Variants in CXorf58 observed in about 807,000 individuals in gnomAD.
CXorf58 encodes the protein chromosome X open reading frame 58.
A neutral mutation model predicts 26.0 loss-of-function variants in CXorf58; 24 were observed. The observed-to-expected ratio is 0.92, with a 90% CI of 0.67 to 1.30. The LOEUF (loss-of-function observed/expected upper bound fraction) is 1.30. CXorf58 is among the 50% of genes most tolerant of loss of function. The probability of loss-of-function intolerance (pLI) is 0.00; values close to 1 mark genes in which losing one functional copy is unlikely to be tolerated. For missense variants in CXorf58, 236 were observed against 263.9 expected, an observed-to-expected ratio of 0.89 and a Z score of 0.73; for synonymous variants, 87 against 86.1, an observed-to-expected ratio of 1.01 and a Z score of -0.06.
chrX:23,938,011 G>A (rs12687965), intron 7 of CXorf58, among the ~76,000 whole-genome samples: 7,879 of 107,855 alleles, frequency 0.073, 646 homozygotes, highest in African/African-American at 0.23. Context: ...TCAGCCTCCC[G>A]AGTAGCTGGG....
At chrX:23,928,628 T>C (rs1476495441) in intron 6 of CXorf58, among the ~76,000 whole-genome samples, 1 of 111,832 alleles carries the variant, frequency 8.9e-6, no homozygotes, top group South Asian at 3.8e-4. Flanking sequence ...CTTTTCATTA[T>C]TATTATATCT....
At chrX:23,927,399 C>G in intron 6 of CXorf58, 29 bp downstream of exon 6, 1 of 1,045,596 alleles carries the variant, frequency 9.6e-7, no homozygotes, top group Non-Finnish European at 1.3e-6. Context: ...GAAAAACAAA[C>G]AAACCCAGCA....
At chrX:23,926,312 A>C (rs1286686863) in intron 5 of CXorf58, among the ~76,000 whole-genome samples, 2 of 111,177 alleles carry the variant, frequency 1.8e-5, no homozygotes, top group Non-Finnish European at 3.8e-5. Flanking sequence ...TTGAGCTTCC[A>C]TATATTCTGT....
chrX:23,919,308 A>G (rs2147068694), intron 5 of CXorf58, among the ~76,000 whole-genome samples: 1 of 111,865 alleles, frequency 8.9e-6, no homozygotes, highest in South Asian at 3.7e-4. Context: ...CAAATAGCCT[A>G]TCTTCAAGTT....
chrX:23,935,344 G>A lies in CXorf58; in HGVS notation c.704G>A (p.Arg235Gln), dbSNP rs775086373. Residue 235 changes from arginine (R) to glutamine (Q), a missense_variant, in exon 7 of 9, where the codon CGA (arginine) becomes CAA (glutamine). Transcript: ENST00000379211. ...SESGVISNRL[R>Q]NEMKFLLQRP... ...TCTGGAGTGATCTCAAACCGTCTAC[G>A]AAATGAAATGAAGTTTCTGTTACAG... The A allele has an allele frequency of 8.3e-6, 10 of 1,208,356 alleles. No individual in the cohort carries two copies. The South Asian group carries it at 1.2e-4, about 15-fold the overall frequency.
intron 6 of CXorf58, among the ~76,000 whole-genome samples, chrX:23,929,751 T>C (rs1334815001): frequency 2.7e-5 from 3 of 112,635 alleles, no homozygotes; most frequent in Non-Finnish European, 5.6e-5. Context: ...TGTTAGAAGA[T>C]GCCCTCTAGG....
intron 5 of CXorf58, among the ~76,000 whole-genome samples, chrX:23,918,222 TCTTC>T (rs1385453311): frequency 9.8e-5 from 11 of 111,949 alleles, no homozygotes; most frequent in Non-Finnish European, 1.3e-4. Flanking sequence ...TGTGGTCTTC[TCTTC>T]CTTCTTTCCT....
At chrX:23,938,389 G>T (rs1170651427) in intron 7 of CXorf58, among the ~76,000 whole-genome samples, 158 bp from the exon 8 acceptor site, 1 of 111,695 alleles carries the variant, frequency 9.0e-6, no homozygotes, top group African/African-American at 3.2e-5. Context: ...AAGCAGAAAT[G>T]ATAACTTTAA....
At chrX:23,930,069 C>T (rs896750864) in intron 6 of CXorf58, among the ~76,000 whole-genome samples, 3 of 106,277 alleles carry the variant, frequency 2.8e-5, no homozygotes, top group South Asian at 8.7e-4. Context: ...TGGTGGTGGG[C>T]GCCTGTAGTC....
At chrX:23,914,138 T>G (rs1046078938) in intron 3 of CXorf58, among the ~76,000 whole-genome samples, 7 of 110,690 alleles carry the variant, frequency 6.3e-5, no homozygotes, top group African/African-American at 2.3e-4. Flanking sequence ...CAGGCTGGAG[T>G]GCAGTGGCAC....
At chrX:23,910,262 G>C in intron 1 of CXorf58, 21 bp from the exon 2 acceptor site, 3 of 826,875 alleles carry the variant, frequency 3.6e-6, no homozygotes, top group South Asian at 2.1e-5. Context: ...GACCTCAAAG[G>C]GTTAATTTAT....
At chrX:23,925,786 C>CTTTTTTTTTTTTTTTTT (rs11296283) in intron 5 of CXorf58, among the ~76,000 whole-genome samples, 1 of 71,770 alleles carries the variant, frequency 1.4e-5, no homozygotes, top group Non-Finnish European at 2.4e-5. Flanking sequence ...CTTTTCTTTT[C>CTTTTTTTTTTTTTTTTT]TTTTTTTTTT....
At chrX:23,934,925 C>T (rs1928256370) in intron 6 of CXorf58, among the ~76,000 whole-genome samples, 3 of 109,369 alleles carry the variant, frequency 2.7e-5, no homozygotes, top group South Asian at 7.9e-4. Flanking sequence ...AGTGCAGTGG[C>T]GCGATCTTGG....
At chrX:23,915,614 C>G in intron 3 of CXorf58, 86 bp from the exon 4 acceptor site, 1 of 534,141 alleles carries the variant, frequency 1.9e-6, no homozygotes, top group African/African-American at 2.3e-5. Flanking sequence ...ATAATGTTCA[C>G]TTTACCACGT....
Position 23,939,292 on chromosome X carries a change from T to C in CXorf58, c.988T>C (p.Ser330Pro), listed in dbSNP as rs368045553. 1.7e-6 allele frequency: 2 copies of C among 1,187,372 alleles called. No individual in the cohort carries two copies. The highest frequency in any genetic ancestry group is 3.5e-5 in the African/African-American group (2 of 56,643). The part of the protein sequence containing the change: ...SGTKDNYHLH[S>P]IF ...TACAAAGGATAACTATCATCTCCACTCCATCTTTTGACATTGTGAAAACTA... is the reference window on the plus strand; with the variant it reads ...TACAAAGGATAACTATCATCTCCACCCCATCTTTTGACATTGTGAAAACTA... Residue 330 changes from serine (S) to proline (P), a missense_variant, in exon 9 of 9, where the codon TCC (serine) becomes CCC (proline). Physicochemically the swap from Ser to Pro is moderately conservative, Grantham distance 74. Transcript: ENST00000379211.
chrX:23,938,947 A>C (rs942818875), intron 8 of CXorf58, among the ~76,000 whole-genome samples: 4 of 111,813 alleles, frequency 3.6e-5, no homozygotes, highest in Non-Finnish European at 5.6e-5. Context: ...GTTGGCAAAA[A>C]AATTATTTTC....
intron 5 of CXorf58, among the ~76,000 whole-genome samples, chrX:23,917,109 C>A (rs1304650551): frequency 2.8e-5 from 3 of 108,775 alleles, no homozygotes; most frequent in Non-Finnish European, 5.7e-5. Flanking sequence ...CCAAGGCGGG[C>A]GAATCACCTG....
rs1220076702 is a variant in CXorf58, at chrX:23,926,797, A to G, written c.424-442A>G. ...CACTTTGGGAGGCCGAGGTGAGCGG[A>G]TCACGAGGCCAGGAGATCGAGACCA... is the stretch of plus-strand genomic sequence containing the variant. On this transcript the variant is annotated intron_variant, in intron 5 of 8. Transcript: ENST00000379211. Among the ~76,000 whole-genome samples the G allele has an allele frequency of 3.6e-5, 4 of 112,168 alleles. No homozygotes were observed. In the East Asian group the frequency reaches 1.1e-3, roughly 31 times the overall value.
Position 23,938,575 on chromosome X carries a change from T to C in CXorf58, c.814T>C (p.Tyr272His). ...RGPYLTVQPL[Y>H]RPYKQQNQVK... is the part of the protein sequence containing the mutation. ...TCCATACTTAACTGTCCAACCTCTA[T>C]ATCGGCCCTACAAACAGCAAAATCA... Residue 272 changes from tyrosine to histidine, a missense_variant, in exon 8 of 9, where the codon TAT becomes CAT. Physicochemically the swap from Tyr to His is moderately conservative, Grantham distance 83. Transcript: ENST00000379211. 8.4e-7 allele frequency: 1 copy of C among 1,193,402 alleles called. No homozygotes were observed.
Sources: gnomAD v4.1 joint callset for allele counts (sites outside exome capture counted in the v4.1 genomes callset) on GRCh38, gnomAD v4.1.1 for gene constraint, MANE v1.5 for transcripts, NCBI Gene and HGNC (gene_info 2026-07-23, HGNC 2026-07-21) for gene names.